CDH13: variants seen among roughly 807,000 people sequenced by gnomAD.
CDH13 encodes cadherin-13.
A neutral mutation model predicts 63.8 loss-of-function variants in CDH13; 24 were observed. The ratio of observed to expected loss-of-function variants is 0.38; its 90% CI spans 0.27 to 0.53. CDH13 has a LOEUF of 0.53. Among genes scored for constraint, CDH13 ranks in the 20% least tolerant of loss-of-function variants. The pLI, the probability that CDH13 is intolerant of heterozygous loss-of-function variation, is 0.85. For synonymous variants in CDH13, 503 were observed against 355.3 expected (o/e 1.42, Z -4.67); for missense variants, 1,049 against 903.1 (o/e 1.16, Z -2.07).
chr16:82,694,003 A>G (rs1297878152), intron 1 of CDH13, among the ~76,000 whole-genome samples: 5 of 152,232 alleles, frequency 3.3e-5, no homozygotes, highest in Non-Finnish European at 7.3e-5. Context: ...CAAGTAATTG[A>G]AACAAACTCT....
chr16:83,395,989 T>C (rs964868997), intron 6 of CDH13, among the ~76,000 whole-genome samples: 1 of 152,152 alleles, frequency 6.6e-6, no homozygotes, highest in Non-Finnish European at 1.5e-5. Context: ...TGTTCCCCTC[T>C]ATATGTCCAC....
At chr16:83,530,887 G>T (rs771105572) in intron 7 of CDH13, among the ~76,000 whole-genome samples, 1 of 152,196 alleles carries the variant, frequency 6.6e-6, no homozygotes, top group Non-Finnish European at 1.5e-5. Context: ...GTGGGTCAGA[G>T]GCAGAGCTGT....
intron 1 of CDH13, among the ~76,000 whole-genome samples, chr16:82,697,436 T>C (rs1290851028): frequency 7.1e-6 from 1 of 140,314 alleles, no homozygotes; most frequent in African/African-American, 2.6e-5. Flanking sequence ...TTTTTTTTTT[T>C]TTTTTTTTTT....
At chr16:83,400,926 G>A (rs1267395063) in intron 6 of CDH13, among the ~76,000 whole-genome samples, 1 of 152,144 alleles carries the variant, frequency 6.6e-6, no homozygotes, top group East Asian at 1.9e-4. Flanking sequence ...GGTGTTGGCC[G>A]GGTGTGGTGG....
chr16:82,779,850 G>A (rs2035668375), intron 1 of CDH13, among the ~76,000 whole-genome samples: 2 of 138,458 alleles, frequency 1.4e-5, no homozygotes, highest in Admixed American at 1.5e-4. Flanking sequence ...GGAGGTCATG[G>A]CTCTCATAGT....
At chr16:82,664,216 A>C (rs1478567304) in intron 1 of CDH13, among the ~76,000 whole-genome samples, 2 of 152,234 alleles carry the variant, frequency 1.3e-5, no homozygotes, top group Non-Finnish European at 2.9e-5. Flanking sequence ...TTGTGCTGCA[A>C]AGCAACGTGC....
chr16:82,916,827 G>C (rs1410823112), intron 2 of CDH13, among the ~76,000 whole-genome samples: 2 of 152,176 alleles, frequency 1.3e-5, no homozygotes, highest in Non-Finnish European at 2.9e-5. Flanking sequence ...GGAGATAGTT[G>C]TGGAATATAT....
At chr16:83,216,376 G>A (rs1359916904) in intron 4 of CDH13, among the ~76,000 whole-genome samples, 1 of 85,684 alleles carries the variant, frequency 1.2e-5, no homozygotes, top group East Asian at 3.7e-4. Flanking sequence ...AAATAATAAT[G>A]TCCTCTGCCT....
At chr16:83,779,872 C>T in intron 11 of CDH13, 96 bp from the exon 12 acceptor site, 1 of 809,926 alleles carries the variant, frequency 1.2e-6, no homozygotes, top group Non-Finnish European at 1.9e-6. Flanking sequence ...AATAAAATAA[C>T]TGCAAAATAT....
At chr16:82,678,789 T>C (rs1914220623) in intron 1 of CDH13, among the ~76,000 whole-genome samples, 1 of 152,168 alleles carries the variant, frequency 6.6e-6, no homozygotes. Context: ...GTGGGAAGTT[T>C]CTCTCTTAGG....
chr16:83,287,700 T>C (rs1399097360), intron 5 of CDH13, among the ~76,000 whole-genome samples: 1 of 152,112 alleles, frequency 6.6e-6, no homozygotes, highest in East Asian at 1.9e-4. Context: ...TATAATGTAA[T>C]AATAATAGAA....
At chr16:83,283,827 A>G (rs1420721931) in intron 5 of CDH13, among the ~76,000 whole-genome samples, 1 of 152,138 alleles carries the variant, frequency 6.6e-6, no homozygotes, top group Non-Finnish European at 1.5e-5. Context: ...TTTTGGTAAT[A>G]ATATCTACTT....
chr16:83,708,365 G>A (rs1344144224), intron 10 of CDH13, among the ~76,000 whole-genome samples: 1 of 152,212 alleles, frequency 6.6e-6, no homozygotes, highest in Non-Finnish European at 1.5e-5. Context: ...AGCCAGAGGA[G>A]GTAGCATGGT....
At chr16:83,762,805 T>C (rs1354605745) in intron 11 of CDH13, among the ~76,000 whole-genome samples, 2 of 152,188 alleles carry the variant, frequency 1.3e-5, no homozygotes, top group African/African-American at 4.8e-5. Flanking sequence ...CATTGTTCCA[T>C]GATTGTTATT....
chr16:83,573,950 GT>G lies in CDH13; in HGVS notation c.961-28503del, dbSNP rs1460526041. ...CTGGACCATCTTGCTCCAGATTTCA[GT>G]AAATTGGGTCCCCGGGATTTAAAGA... On this transcript the variant is annotated intron_variant, in intron 7 of 13. Coordinates refer to ENST00000567109, the MANE Select transcript of CDH13 (RefSeq NM_001257.5). Among the ~76,000 whole-genome samples the G allele has an allele frequency of 6.7e-4, 102 of 152,222 alleles. 1 individual carries two copies. Among genetic ancestry groups the G allele is most frequent in the Non-Finnish European group, 1.5e-5 (1 of 68,020 alleles).
Position 83,415,155 on chromosome 16 carries a change from G to GA in CDH13, c.781+70158dup, listed in dbSNP as rs201083170. On this transcript the variant is annotated intron_variant, in intron 6 of 13. Transcript: ENST00000567109. ...TGAACAGTTCCCTGCCAAAAAAAAT[G>GA]AAAAAAAAACCTAGGTAACCTAGAG... 9.9e-3 allele frequency among the ~76,000 whole-genome samples: 1,480 copies of GA among 148,780 alleles called. 27 individuals carry two copies. Among genetic ancestry groups the GA allele is most frequent in the African/African-American group, 0.034 (1,379 of 40,546 alleles).
At chr16:82,898,623 AG>A (rs1370254835) in intron 2 of CDH13, among the ~76,000 whole-genome samples, 1 of 152,202 alleles carries the variant, frequency 6.6e-6, no homozygotes, top group East Asian at 1.9e-4. Flanking sequence ...GAGGTTTCTG[AG>A]GTCACAGAGC....
intron 1 of CDH13, among the ~76,000 whole-genome samples, chr16:82,822,509 T>G (rs2038049518): frequency 6.6e-6 from 1 of 152,226 alleles, no homozygotes. Context: ...ATCTTTTTTC[T>G]TTGTATAAAC....
Position 83,670,987 on chromosome 16 carries a change from A to G in CDH13, c.1284+15A>G, listed in dbSNP as rs761776086. 9 of 1,568,656 alleles carry G rather than the reference A, an allele frequency of 5.7e-6. No individual in the cohort carries two copies. The South Asian group carries it at 8.4e-5, about 15-fold the overall frequency. The stretch of plus-strand genomic sequence containing the variant: ...CTGTTGTCAAAGTAAGGGTGCTTCC[A>G]ATTGCCTCTTTCTCCTCATGCGAGC... On this transcript the variant is annotated intron_variant, in intron 9 of 13. Coordinates refer to ENST00000567109, the MANE Select transcript of CDH13 (RefSeq NM_001257.5).
Sources: allele counts gnomAD v4.1 joint callset (sites outside exome capture counted in the v4.1 genomes callset), GRCh38; gene constraint gnomAD v4.1.1; transcripts MANE v1.5; gene names NCBI Gene and HGNC (gene_info 2026-07-23, HGNC 2026-07-21).